The following TMEM135 variants were observed in gnomAD, a reference collection of about 807,000 sequenced individuals.
TMEM135 encodes the protein peroxisomal membrane protein 52.
TMEM135 carries 30 observed loss-of-function variants against 60.3 expected under a neutral mutation model. The observed-to-expected ratio is 0.50, with a 90% confidence interval of 0.37 to 0.68. The LOEUF (loss-of-function observed/expected upper bound fraction) is 0.68. TMEM135 is among the 30% of genes least tolerant of loss of function. TMEM135 has a pLI of 0.00. For missense variants in TMEM135, 468 were observed against 548.8 expected (o/e 0.85, Z 1.47); for synonymous variants, 190 against 186.7 (o/e 1.02, Z -0.14).
At chr11:87,131,584 A>T (rs1937933179) in intron 4 of TMEM135, among the ~76,000 whole-genome samples, 1 of 152,308 alleles carries the variant, frequency 6.6e-6, no homozygotes, top group South Asian at 2.1e-4. Context: ...TCATGAGAGG[A>T]TATACTGCAT....
chr11:87,269,758 G>C (rs1387638841), intron 6 of TMEM135, among the ~76,000 whole-genome samples: 2 of 151,228 alleles, frequency 1.3e-5, no homozygotes, highest in African/African-American at 4.9e-5. Context: ...TGGACATTTG[G>C]GTTGGTTCTA....
chr11:87,261,079 C>A (rs1591149038), intron 6 of TMEM135, among the ~76,000 whole-genome samples: 1 of 152,166 alleles, frequency 6.6e-6, no homozygotes, highest in East Asian at 1.9e-4. Context: ...CTCTTGGCAA[C>A]CTATTCTAGT....
At chr11:87,122,437 A>ATATTTATTTATTTATTTATTTATT (rs1555106784) in intron 4 of TMEM135, among the ~76,000 whole-genome samples, 5 of 144,916 alleles carry the variant, frequency 3.5e-5, no homozygotes, top group African/African-American at 1.3e-4. Flanking sequence ...TTTAGTTTTT[A>ATATTTATTTATTTATTTATTTATT]TATTTATTTA....
chr11:87,098,040 T>C (rs534253546), intron 4 of TMEM135, among the ~76,000 whole-genome samples: 4 of 152,358 alleles, frequency 2.6e-5, no homozygotes, highest in Admixed American at 2.6e-4. Flanking sequence ...TACATTGCTG[T>C]ATTAAGCCTA....
chr11:87,178,518 C>T (rs374482221), intron 5 of TMEM135: 3 of 456,036 alleles, frequency 6.6e-6, no homozygotes, highest in Non-Finnish European at 1.3e-5. Context: ...CTCTGCCTCC[C>T]AGGTTCAAGG....
At position 87,321,753 on chromosome 11, in the gene TMEM135, C is replaced by G; in HGVS notation, c.*420C>G. On this transcript the variant is annotated 3_prime_UTR_variant, in exon 15 of 15. Transcript: ENST00000305494. Reference sequence around the variant, plus strand: ...TAGGATTTACAAAGGATCACGGGTACATGGATTTGGTCTATATATTTTTTT... The same window carrying G: ...TAGGATTTACAAAGGATCACGGGTAGATGGATTTGGTCTATATATTTTTTT... 1 of 455,352 alleles carries G rather than the reference C, an allele frequency of 2.2e-6. No individual in the cohort carries two copies. 28.2% of individuals were successfully genotyped at this position (455,352 alleles called of 1,614,324 possible). A position where few individuals can be genotyped will look rare whatever the true frequency, so the allele number is the denominator to read the frequency against.
intron 5 of TMEM135, among the ~76,000 whole-genome samples, chr11:87,209,648 A>C (rs1940316407): frequency 6.6e-6 from 1 of 152,146 alleles, no homozygotes; most frequent in Non-Finnish European, 1.5e-5. Context: ...GAAAACTAAC[A>C]AAGATATTCT....
At chr11:87,252,314 G>T (rs1287043919) in intron 6 of TMEM135, among the ~76,000 whole-genome samples, 2 of 151,880 alleles carry the variant, frequency 1.3e-5, no homozygotes, top group African/African-American at 2.4e-5. Context: ...AAATTGTCTG[G>T]GAAAAATTAT....
rs1942447567 is a variant in TMEM135, at chr11:87,301,425, T to G, written c.552-871T>G. On this transcript the variant is annotated intron_variant, in intron 7 of 14. Coordinates refer to ENST00000305494, the MANE Select transcript of TMEM135 (RefSeq NM_022918.4). ...TACACCACCATGCCCAGCTGATTTT[T>G]AATTTTTTTGTTAAGGTGGGGTCTC... Among the ~76,000 whole-genome samples the G allele has an allele frequency of 3.9e-5, 6 of 152,180 alleles. No individual in the cohort carries two copies. In the South Asian group the frequency reaches 1.2e-3, roughly 32 times the overall value.
rs750838526 is a variant in TMEM135, at chr11:87,309,595, C to T, written c.859C>T (p.Arg287Trp). ...AFRHLFTQPS[R>W]LLSLFYNKEN... ...TAGGCATCTGTTTACACAGCCATCT[C>T]GGCTACTTTCTCTCTTCTACAATAA... is the stretch of plus-strand genomic sequence containing the variant. Residue 287 changes from arginine (R) to tryptophan (W), a missense_variant, in exon 10 of 15, where the codon CGG becomes TGG. Coordinates refer to ENST00000305494, the MANE Select transcript of TMEM135 (RefSeq NM_022918.4). 2.6e-5 allele frequency: 42 copies of T among 1,613,756 alleles called. No homozygotes were observed. Among genetic ancestry groups the T allele is most frequent in the Non-Finnish European group, 3.2e-5 (38 of 1,179,838 alleles).
chr11:87,066,779 CTTTCT>C (rs1856668627), intron 1 of TMEM135, among the ~76,000 whole-genome samples: 1 of 129,176 alleles, frequency 7.7e-6, no homozygotes, highest in Non-Finnish European at 1.6e-5. Flanking sequence ...TTACTAGATT[CTTTCT>C]TTTTTTTTTT....
chr11:87,055,573 A>G (rs1949886087), intron 1 of TMEM135, among the ~76,000 whole-genome samples: 1 of 152,016 alleles, frequency 6.6e-6, no homozygotes, highest in Non-Finnish European at 1.5e-5. Context: ...CAAAATTGTG[A>G]AGTCTGAGAA....
intron 6 of TMEM135, among the ~76,000 whole-genome samples, chr11:87,261,627 C>T (rs574064042): frequency 3.7e-4 from 56 of 152,078 alleles, no homozygotes; most frequent in African/African-American, 1.3e-3. Context: ...TGCATATATC[C>T]TTCTAGAATT....
At chr11:87,141,836 T>A (rs1432555528) in intron 4 of TMEM135, among the ~76,000 whole-genome samples, 5 of 152,046 alleles carry the variant, frequency 3.3e-5, no homozygotes, top group South Asian at 4.1e-4. Flanking sequence ...ATTAAAAAAA[T>A]TTAAAATTTA....
chr11:87,206,950 A>G (rs1940249002), intron 5 of TMEM135, among the ~76,000 whole-genome samples: 1 of 152,166 alleles, frequency 6.6e-6, no homozygotes. Flanking sequence ...TAAGATTAAA[A>G]AAAATTATCC....
chr11:87,126,643 CATT>C (rs1377736649), intron 4 of TMEM135, among the ~76,000 whole-genome samples: 1 of 150,452 alleles, frequency 6.6e-6, no homozygotes, highest in African/African-American at 2.4e-5. Flanking sequence ...GAAAAGGACT[CATT>C]GTATGGTTAG....
At chr11:87,145,865 C>T (rs1938399947) in intron 4 of TMEM135, among the ~76,000 whole-genome samples, 1 of 152,148 alleles carries the variant, frequency 6.6e-6, no homozygotes. Flanking sequence ...CAACCATTTT[C>T]TCCCAATCCA....
chr11:87,189,289 T>C (rs1452152052), intron 5 of TMEM135, among the ~76,000 whole-genome samples: 1 of 152,016 alleles, frequency 6.6e-6, no homozygotes, highest in East Asian at 1.9e-4. Context: ...GCCTCCCAAG[T>C]AGCTGGGATC....
intron 6 of TMEM135, among the ~76,000 whole-genome samples, chr11:87,249,811 G>C (rs1941374049): frequency 6.6e-6 from 1 of 152,060 alleles, no homozygotes; most frequent in African/African-American, 2.4e-5. Flanking sequence ...TGATATCAGG[G>C]TACTATTGTC....
Sources: allele counts gnomAD v4.1 joint callset (sites outside exome capture counted in the v4.1 genomes callset), GRCh38; gene constraint gnomAD v4.1.1; transcripts MANE v1.5; gene names NCBI Gene and HGNC (gene_info 2026-07-23, HGNC 2026-07-21).